UST: variants seen among roughly 807,000 people sequenced by gnomAD.
The protein encoded by UST is uronyl 2-sulfotransferase.
Under a neutral mutation model 45.6 loss-of-function variants are expected in UST, and 21 were observed. The observed-to-expected ratio is 0.46, with a 90% CI of 0.33 to 0.66. UST has a LOEUF of 0.66. Ranked by LOEUF, UST falls within the 30% of genes least tolerant of loss-of-function variation. The probability of loss-of-function intolerance (pLI) is 0.02; values close to 1 mark genes in which losing one functional copy is unlikely to be tolerated. For synonymous variants in UST, 215 were observed against 200.6 expected (o/e 1.07, Z -0.61); for missense variants, 463 against 512.4 (o/e 0.90, Z 0.93).
chr6:148,747,671 T>C lies in UST; in HGVS notation c.241T>C (p.Tyr81His). 6.3e-7 allele frequency: 1 copy of C among 1,598,688 alleles called. No individual in the cohort carries two copies. Among genetic ancestry groups the C allele is most frequent in the Non-Finnish European group, 8.5e-7 (1 of 1,174,092 alleles). ...TCGCTTCCTGCTCGACCTGCGGCAG[T>C]ACTTGGGTAAGGAAGCTGGGCAGGC... ...PPRFLLDLRQ[Y>H]LGNSTYLDDH... The change falls in exon 1 of 8, where the codon TAC (tyrosine) becomes CAC (histidine). Residue 81 changes from tyrosine to histidine, a missense_variant. Tyr to His is a moderately conservative substitution (Grantham distance 83). This residue lies in a region of UST where 176 missense variants were observed against 138.3 expected (regional missense o/e 1.27). Coordinates refer to ENST00000367463, the MANE Select transcript of UST (RefSeq NM_005715.3).
intron 2 of UST, among the ~76,000 whole-genome samples, chr6:148,896,085 A>G (rs566040719): frequency 1.6e-4 from 25 of 152,358 alleles, no homozygotes; most frequent in Admixed American, 9.8e-4. Context: ...TGGGAGTACA[A>G]TGACCTTCAG....
chr6:148,933,354 A>G (rs1406454882), intron 2 of UST, among the ~76,000 whole-genome samples: 1 of 152,208 alleles, frequency 6.6e-6, no homozygotes, highest in Non-Finnish European at 1.5e-5. Flanking sequence ...TTAATTATCC[A>G]CTATGCACAT....
intron 1 of UST, among the ~76,000 whole-genome samples, chr6:148,841,603 A>G (rs920392552): frequency 6.7e-5 from 9 of 134,816 alleles, no homozygotes; most frequent in African/African-American, 2.6e-4. Flanking sequence ...TTTTTCTGTC[A>G]TGTGTTTGAA....
intron 1 of UST, among the ~76,000 whole-genome samples, chr6:148,831,802 TAAAA>T (rs1223480430): frequency 6.6e-6 from 1 of 151,398 alleles, no homozygotes; most frequent in African/African-American, 2.4e-5. Context: ...TTAAAAAAAA[TAAAA>T]AAAAGAAAGT....
chr6:149,003,865 G>C (rs1035465262), intron 5 of UST, among the ~76,000 whole-genome samples: 1 of 152,188 alleles, frequency 6.6e-6, no homozygotes, highest in Non-Finnish European at 1.5e-5. Context: ...TGAGGGCCAG[G>C]CTGGCGTCCC....
chr6:148,977,609 G>A (rs899687299), intron 5 of UST, among the ~76,000 whole-genome samples: 13 of 152,006 alleles, frequency 8.6e-5, no homozygotes, highest in African/African-American at 1.9e-4. Flanking sequence ...AAAATTAGCC[G>A]GACGAGGTGG....
intron 5 of UST, among the ~76,000 whole-genome samples, chr6:149,007,073 T>C (rs1201426168): frequency 6.6e-6 from 1 of 152,062 alleles, no homozygotes; most frequent in East Asian, 1.9e-4. Flanking sequence ...CTACTGTTTT[T>C]TAAACATTCC....
chr6:149,004,627 G>A (rs1458275076), intron 5 of UST, among the ~76,000 whole-genome samples: 1 of 152,164 alleles, frequency 6.6e-6, no homozygotes, highest in Non-Finnish European at 1.5e-5. Flanking sequence ...AGTACCTAGT[G>A]AAAGCAAATC....
At position 148,934,726 on chromosome 6, in the gene UST, T is replaced by C. The variant is rs913506276; in HGVS notation, c.292-6553T>C. 1.3e-5 allele frequency among the ~76,000 whole-genome samples: 2 copies of C among 152,144 alleles called. No individual in the cohort carries two copies. Among genetic ancestry groups the C allele is most frequent in the Non-Finnish European group, 2.9e-5 (2 of 68,022 alleles). ...AGCTGGGAGTCCTCTGTGACAGCAC[T>C]TCCTCAAAGCTGATGGAGTTGGCAG... On this transcript the variant is annotated intron_variant, in intron 2 of 7. Coordinates refer to ENST00000367463, the MANE Select transcript of UST (RefSeq NM_005715.3). This position sits in a 1 kb window ranked among gnomAD's most constrained non-coding sequence, Gnocchi z 4.1.
chr6:149,003,146 G>A (rs1454851162), intron 5 of UST, among the ~76,000 whole-genome samples: 1 of 152,096 alleles, frequency 6.6e-6, no homozygotes, highest in African/African-American at 2.4e-5. Flanking sequence ...AGACCATATC[G>A]TGGCATGATA....
intron 1 of UST, among the ~76,000 whole-genome samples, chr6:148,776,488 T>C (rs958510915): frequency 5.9e-5 from 9 of 152,208 alleles, no homozygotes; most frequent in African/African-American, 2.2e-4. Context: ...CATTCTTTTC[T>C]GCACGTGGTG....
At chr6:148,920,862 A>G (rs1166661983) in intron 2 of UST, among the ~76,000 whole-genome samples, 1 of 152,144 alleles carries the variant, frequency 6.6e-6, no homozygotes, top group Non-Finnish European at 1.5e-5. Context: ...GGACTCTTTA[A>G]GAGATGGTGT....
intron 1 of UST, among the ~76,000 whole-genome samples, chr6:148,846,592 T>TATA (rs534663844): frequency 0.074 from 11,260 of 151,392 alleles, 481 homozygotes; most frequent in Non-Finnish European, 0.11. Context: ...AAACTTAAAG[T>TATA]ATAATAATAA....
At chr6:148,780,394 C>T (rs1776621270) in intron 1 of UST, among the ~76,000 whole-genome samples, 1 of 151,996 alleles carries the variant, frequency 6.6e-6, no homozygotes, top group Non-Finnish European at 1.5e-5. Flanking sequence ...GGTACTAAGC[C>T]CAGTACCCTA....
chr6:148,877,541 TTGAGTGCAGGGGATCGTGTA>T (rs368932997), intron 1 of UST, among the ~76,000 whole-genome samples: 1,714 of 102,426 alleles, frequency 0.017, 19 homozygotes, highest in African/African-American at 0.021. Flanking sequence ...GGGATCGTGT[TTGAGTGCAGGGGATCGTGTA>T]TGAGTGCAGG....
chr6:148,839,639 A>G (rs1255694802), intron 1 of UST, among the ~76,000 whole-genome samples: 4 of 152,182 alleles, frequency 2.6e-5, no homozygotes, highest in Non-Finnish European at 5.9e-5. Flanking sequence ...TCACTTGGGA[A>G]GATTTTGCAA....
chr6:148,842,699 T>G (rs1399475915), intron 1 of UST, among the ~76,000 whole-genome samples: 1 of 152,216 alleles, frequency 6.6e-6, no homozygotes, highest in Admixed American at 6.5e-5. Context: ...TTGATATGTT[T>G]AAAAAGTGTC....
At chr6:148,798,847 A>G (rs988949790) in intron 1 of UST, among the ~76,000 whole-genome samples, 91 of 137,810 alleles carry the variant, frequency 6.6e-4, no homozygotes, top group Non-Finnish European at 1.3e-3. Flanking sequence ...GCAGGAGGAG[A>G]TAGGATTTAT....
At chr6:148,829,157 GGATGGA>G (rs1777633998) in intron 1 of UST, among the ~76,000 whole-genome samples, 1 of 151,854 alleles carries the variant, frequency 6.6e-6, no homozygotes, top group Non-Finnish European at 1.5e-5. Context: ...ATGGATGGAT[GGATGGA>G]TGGATGGATG....
Sources: gnomAD v4.1 joint callset for allele counts (sites outside exome capture counted in the v4.1 genomes callset) on GRCh38, gnomAD v4.1.1 for gene constraint, gnomAD v4.1.1 regional missense constraint, Gnocchi (gnomAD v3.1) non-coding constraint, MANE v1.5 for transcripts, NCBI Gene and HGNC (gene_info 2026-07-23, HGNC 2026-07-21) for gene names.